The following MAGI1 variants were observed in gnomAD, a reference collection of about 807,000 sequenced individuals.
MAGI1 encodes membrane-associated guanylate kinase, WW and PDZ domain-containing protein 1.
In MAGI1, 58 loss-of-function variants were observed where a neutral mutation model predicts 139.9. That is an observed-to-expected ratio of 0.41 (90% CI 0.34 to 0.52). MAGI1 has a LOEUF of 0.52. MAGI1 is among the 20% of genes least tolerant of loss of function. The pLI is 0.12. For missense variants in MAGI1, 1,874 were observed against 1,901.6 expected (o/e 0.99, Z 0.27); for synonymous variants, 812 against 737.9 (o/e 1.10, Z -1.63).
At chr3:65,810,235 C>A (rs2041139496) in intron 1 of MAGI1, among the ~76,000 whole-genome samples, 1 of 152,202 alleles carries the variant, frequency 6.6e-6, no homozygotes, top group South Asian at 2.1e-4. Flanking sequence ...TTGGGCAAGC[C>A]CAAGAGGACC....
chr3:65,375,621 C>T (rs1037310049), intron 18 of MAGI1, 124 bp downstream of exon 18: 2 of 814,198 alleles, frequency 2.5e-6, no homozygotes, highest in Non-Finnish European at 3.9e-6. Context: ...AATAAAGCTG[C>T]CACTAAATTA....
intron 2 of MAGI1, among the ~76,000 whole-genome samples, chr3:65,567,375 A>G (rs955074948): frequency 1.3e-5 from 2 of 152,178 alleles, no homozygotes; most frequent in African/African-American, 4.8e-5. Flanking sequence ...TGACCATGAA[A>G]AAAAAAATTA....
chr3:65,788,276 C>T (rs190055649), intron 1 of MAGI1, among the ~76,000 whole-genome samples: 6 of 152,324 alleles, frequency 3.9e-5, no homozygotes, highest in South Asian at 4.1e-4. Context: ...TGATCCCACA[C>T]GCTTTCTCAT....
intron 1 of MAGI1, among the ~76,000 whole-genome samples, chr3:65,797,992 T>C (rs2040255797): frequency 6.6e-6 from 1 of 152,094 alleles, no homozygotes. Flanking sequence ...CTAAAATGCA[T>C]CTTCAATTCT....
At chr3:65,500,842 C>A (rs2077053105) in intron 2 of MAGI1, among the ~76,000 whole-genome samples, 1 of 152,196 alleles carries the variant, frequency 6.6e-6, no homozygotes, top group Non-Finnish European at 1.5e-5. Flanking sequence ...CAAAATCTAA[C>A]AAGACTTCAA....
At chr3:65,708,108 T>C (rs1174118901) in intron 1 of MAGI1, among the ~76,000 whole-genome samples, 4 of 152,188 alleles carry the variant, frequency 2.6e-5, no homozygotes, top group African/African-American at 9.6e-5. Flanking sequence ...TTCCTGGAGT[T>C]GAAAAATAAT....
Position 65,450,624 on chromosome 3 carries a change from C to T in MAGI1, c.1043-2567G>A, listed in dbSNP as rs140160490. On this transcript the variant is annotated intron_variant, in intron 6 of 22. Coordinates refer to ENST00000402939, the MANE Select transcript of MAGI1 (RefSeq NM_001033057.2). The stretch of plus-strand genomic sequence containing the variant: ...AGACAATCGTTGACATTATCAATCA[C>T]ATGGATTACAATATTGGTCTGGAGT... Among the ~76,000 whole-genome samples the T allele has an allele frequency of 8.5e-5, 13 of 152,244 alleles. No individual in the cohort carries two copies. The East Asian group carries it at 2.5e-3, about 29-fold the overall frequency.
At chr3:66,022,987 T>C (rs1242979102) in intron 1 of MAGI1, among the ~76,000 whole-genome samples, 1 of 152,172 alleles carries the variant, frequency 6.6e-6, no homozygotes, top group Non-Finnish European at 1.5e-5. Context: ...TATAAGCTTT[T>C]TGTGCCACAT....
chr3:65,841,429 C>T (rs995312585), intron 1 of MAGI1, among the ~76,000 whole-genome samples: 5 of 142,106 alleles, frequency 3.5e-5, no homozygotes, highest in Admixed American at 1.5e-4. Flanking sequence ...TTTTGTTTTG[C>T]TTTTTGTTTT....
intron 1 of MAGI1, among the ~76,000 whole-genome samples, chr3:65,637,849 A>T (rs1328847667): frequency 6.6e-6 from 1 of 152,092 alleles, no homozygotes; most frequent in East Asian, 1.9e-4. Flanking sequence ...AGCAGTTATG[A>T]TTCTTTGAAA....
chr3:65,458,840 C>T (rs1949581972), intron 5 of MAGI1, among the ~76,000 whole-genome samples: 1 of 152,104 alleles, frequency 6.6e-6, no homozygotes, highest in Non-Finnish European at 1.5e-5. Flanking sequence ...GCTTTGGTTG[C>T]CTGTGCTTAT....
chr3:65,383,391 A>T, intron 15 of MAGI1, 141 bp downstream of exon 15: 1 of 651,460 alleles, frequency 1.5e-6, no homozygotes, highest in Non-Finnish European at 2.7e-6. Context: ...ACAAAACCCA[A>T]TGAGAAACCC....
intron 2 of MAGI1, among the ~76,000 whole-genome samples, chr3:65,603,050 A>G (rs143653802): frequency 9.2e-5 from 14 of 152,146 alleles, no homozygotes. Context: ...AGCAATAGAA[A>G]ATGTGAATAG....
chr3:65,452,832 T>C (rs1171364583), intron 6 of MAGI1: 1 of 160,632 alleles, frequency 6.2e-6, no homozygotes, highest in African/African-American at 2.4e-5. Context: ...TAGGGAAGTA[T>C]GTGAAATATG....
At chr3:65,708,448 G>A (rs569273963) in intron 1 of MAGI1, among the ~76,000 whole-genome samples, 14 of 152,248 alleles carry the variant, frequency 9.2e-5, no homozygotes, top group Admixed American at 3.3e-4. Context: ...CCTCAGAGAC[G>A]AAGAAGCAGA....
At chr3:65,981,998 C>T (rs17074228) in intron 1 of MAGI1, among the ~76,000 whole-genome samples, 16,012 of 152,224 alleles carry the variant, frequency 0.11, 960 homozygotes, top group East Asian at 0.24. Flanking sequence ...TATCAGGTCT[C>T]GTAAGTCGAG....
chr3:65,579,474 C>T (rs2081320599), intron 2 of MAGI1, among the ~76,000 whole-genome samples: 2 of 152,200 alleles, frequency 1.3e-5, no homozygotes, highest in South Asian at 4.1e-4. Context: ...GGAGTCCCCA[C>T]AGTCACAAAT....
chr3:65,566,605 C>T (rs891297221), intron 2 of MAGI1, among the ~76,000 whole-genome samples: 2 of 151,788 alleles, frequency 1.3e-5, no homozygotes, highest in African/African-American at 2.4e-5. Flanking sequence ...TTCCCAAGTC[C>T]GTGTTACTGG....
chr3:65,560,569 C>T (rs762967841), intron 2 of MAGI1, among the ~76,000 whole-genome samples: 1 of 152,102 alleles, frequency 6.6e-6, no homozygotes, highest in African/African-American at 2.4e-5. Context: ...CGGTCATCTG[C>T]AATTAATTTA....
Sources: allele counts gnomAD v4.1 joint callset (sites outside exome capture counted in the v4.1 genomes callset), GRCh38; gene constraint gnomAD v4.1.1; transcripts MANE v1.5; gene names NCBI Gene and HGNC (gene_info 2026-07-23, HGNC 2026-07-21).